NOS3: variants seen among roughly 807,000 people sequenced by gnomAD.
The protein encoded by NOS3 is NOS type III.
NOS3 carries 98 observed loss-of-function variants against 144.9 expected under a neutral mutation model. The ratio of observed to expected loss-of-function variants is 0.68; its 90% CI spans 0.57 to 0.80. The LOEUF is 0.80. NOS3 is among the 30% of genes least tolerant of loss of function. The probability of loss-of-function intolerance (pLI) is 0.00; values close to 1 mark genes in which losing one functional copy is unlikely to be tolerated. For synonymous variants in NOS3, 714 were observed against 702.4 expected, an observed-to-expected ratio of 1.02 and a Z score of -0.26; for missense variants, 1,465 against 1,656.4, an observed-to-expected ratio of 0.88 and a Z score of 2.01.
Position 151,001,230 on chromosome 7 carries a change from G to T in NOS3, c.1234-1G>T. On this transcript the variant is annotated splice_acceptor_variant, in intron 10 of 26. Coordinates refer to ENST00000297494, the MANE Select transcript of NOS3 (RefSeq NM_000603.5). LOFTEE classifies it high-confidence loss of function. The stretch of plus-strand genomic sequence containing the variant: ...CCTCTCCCCCTCTCTCTCCCTTCCA[G>T]CTAGCCAAAGTCACCATCGTGGACC... 6.2e-7 allele frequency: 1 copy of T among 1,612,770 alleles called. No individual in the cohort carries two copies. The highest frequency in any genetic ancestry group is 1.1e-5 in the South Asian group (1 of 91,082).
chr7:151,003,331 GC>G lies in NOS3; in HGVS notation c.1752+1030del. The G allele has an allele frequency of 1.3e-6, 1 of 754,078 alleles. No homozygotes were observed. Among genetic ancestry groups the G allele is most frequent in the Non-Finnish European group, 2.0e-6 (1 of 505,816 alleles). The allele number at this position is 754,078 out of a possible 1,614,324, so 46.7% of individuals were successfully genotyped here. On this transcript the variant is annotated intron_variant, in intron 14 of 26. Transcript: ENST00000297494. The surrounding 1 kb of genome is among the most constrained non-coding windows in gnomAD (Gnocchi z 4.1). ...TATAGAGATGGGGTTTCGCCATGTT[GC>G]CCAGGCTGGTCTCTAACTCCTGGGT...
In NOS3 at chr7:151,013,925, A is replaced by G. The variant is rs767654066; in HGVS notation, c.3450+7A>G. 394 of 1,598,652 alleles carry G rather than the reference A, an allele frequency of 2.5e-4. No individual in the cohort carries two copies. The highest frequency in any genetic ancestry group is 3.3e-4 in the Non-Finnish European group (386 of 1,172,864). Reference sequence around the variant, plus strand: ...CGTCATCGGCGTGCTGCGGGTGCGGAGGGGCGGGCCGGGCCTGAGCGTGCG... The same window carrying G: ...CGTCATCGGCGTGCTGCGGGTGCGGGGGGGCGGGCCGGGCCTGAGCGTGCG... On this transcript the variant is annotated splice_region_variant and intron_variant, in intron 26 of 26. Transcript: ENST00000297494.
chr7:151,011,474 C>G (rs1398250722), intron 23 of NOS3, among the ~76,000 whole-genome samples: 2 of 142,730 alleles, frequency 1.4e-5, no homozygotes, highest in South Asian at 5.2e-4. Flanking sequence ...TGCAGTGGTA[C>G]GATCTCGGCT....
intron 24 of NOS3, chr7:151,012,987 G>T (rs1000880377): frequency 3.8e-6 from 2 of 524,670 alleles, no homozygotes; most frequent in Non-Finnish European, 6.7e-6. Context: ...CCGAAGCCGC[G>T]CATTCTAGCG....
intron 1 of NOS3, among the ~76,000 whole-genome samples, chr7:150,992,041 G>A (rs574269605): frequency 2.2e-4 from 34 of 151,328 alleles, no homozygotes; most frequent in East Asian, 1.7e-3. Context: ...GGTGCCTGTC[G>A]TCCTCGGGAG....
Position 151,010,104 on chromosome 7 carries a change from A to T in NOS3, c.2513-11A>T. On this transcript the variant is annotated splice_polypyrimidine_tract_variant and intron_variant, in intron 20 of 26. Coordinates refer to ENST00000297494, the MANE Select transcript of NOS3 (RefSeq NM_000603.5). ...GCCCTGTCCTCAGAGCTCCCTGTGCACTATCCCCAGGTGGCCCTCCCCCCG... is the reference window on the plus strand; with the variant it reads ...GCCCTGTCCTCAGAGCTCCCTGTGCTCTATCCCCAGGTGGCCCTCCCCCCG... 6.4e-7 allele frequency: 1 copy of T among 1,568,136 alleles called. No individual in the cohort carries two copies. Among genetic ancestry groups the T allele is most frequent in the Non-Finnish European group, 8.7e-7 (1 of 1,142,990 alleles).
intron 25 of NOS3, 26 bp from the exon 26 acceptor site, chr7:151,013,698 C>T (rs1795364723): frequency 3.2e-6 from 4 of 1,263,356 alleles, no homozygotes; most frequent in Admixed American, 2.0e-5. Flanking sequence ...CCCACCAGGG[C>T]CCGCCCTAAC....
intron 2 of NOS3, among the ~76,000 whole-genome samples, chr7:150,994,670 G>A (rs1802328565): frequency 6.6e-6 from 1 of 152,196 alleles, no homozygotes; most frequent in South Asian, 2.1e-4. Flanking sequence ...AAGGCTGAGG[G>A]CCGGGGCCCT....
At chr7:150,997,925 G>A (rs1225784910) in intron 5 of NOS3, among the ~76,000 whole-genome samples, 1 of 152,186 alleles carries the variant, frequency 6.6e-6, no homozygotes, top group African/African-American at 2.4e-5. Context: ...AGGGTCCTAG[G>A]AGGCCTCTGG....
Position 151,010,021 on chromosome 7 carries a change from A to G in NOS3, c.2513-94A>G, listed in dbSNP as rs1795269837. 3 of 796,680 alleles carry G rather than the reference A, an allele frequency of 3.8e-6. No individual in the cohort carries two copies. In the African/African-American group the frequency reaches 5.1e-5, roughly 14 times the overall value. The allele number at this position is 796,680 out of a possible 1,614,324, so 49.4% of individuals were successfully genotyped here. The stretch of plus-strand genomic sequence containing the variant: ...CAGGCCGACCCCGCTGCTCAAGGGC[A>G]GGCTCTCTAACAGTCACCAAAACAC... On this transcript the variant is annotated intron_variant, in intron 20 of 26. Transcript: ENST00000297494.
At chr7:151,001,170 G>T in intron 10 of NOS3, 61 bp from the exon 11 acceptor site, 2 of 1,564,350 alleles carry the variant, frequency 1.3e-6, no homozygotes, top group South Asian at 1.1e-5. Context: ...GAGTGGTGGA[G>T]GAAGAATGGG....
Position 150,998,700 on chromosome 7 carries a change from C to A in NOS3, c.816+20C>A. ...ACCGAGGTGGGCACCGAGGGCCACCCATGAGGGTGTCCCCAAGGTGGAGAA... is the reference window on the plus strand; with the variant it reads ...ACCGAGGTGGGCACCGAGGGCCACCAATGAGGGTGTCCCCAAGGTGGAGAA... On this transcript the variant is annotated intron_variant, in intron 7 of 26. Coordinates refer to ENST00000297494, the MANE Select transcript of NOS3 (RefSeq NM_000603.5). This position sits in a 1 kb window ranked among gnomAD's most constrained non-coding sequence, Gnocchi z 5.0. 6.3e-7 allele frequency: 1 copy of A among 1,595,254 alleles called. No individual in the cohort carries two copies. The highest frequency in any genetic ancestry group is 8.5e-7 in the Non-Finnish European group (1 of 1,172,250).
chr7:151,013,725 C>A lies in NOS3; in HGVS notation c.3257C>A (p.Thr1086Asn). The change falls in exon 26 of 27, where the codon ACC becomes AAC. Residue 1086 changes from threonine (T) to asparagine (N), a missense_variant and splice_region_variant. Transcript: ENST00000297494. Reference protein sequence around the residue: ...AFSREPDNPKTYVQDILRTEL... With the variant: ...AFSREPDNPKNYVQDILRTEL... ...CGCCCTAACCCCGCCGCCCCGCAGA[C>A]CTACGTGCAGGACATCCTGAGGACG... 1 of 1,602,046 alleles carries A rather than the reference C, an allele frequency of 6.2e-7. No homozygotes were observed. The highest frequency in any genetic ancestry group is 8.5e-7 in the Non-Finnish European group (1 of 1,175,300).
intron 5 of NOS3, 45 bp downstream of exon 5, chr7:150,996,970 G>A: frequency 6.5e-7 from 1 of 1,526,910 alleles, no homozygotes; most frequent in Non-Finnish European, 8.8e-7. Context: ...TACCAAAAGG[G>A]GAGCGGGGTG....
At position 151,010,793 on chromosome 7, in the gene NOS3, C is replaced by T; in HGVS notation, c.2882C>T (p.Ala961Val). 6.2e-7 allele frequency: 1 copy of T among 1,611,916 alleles called. No individual in the cohort carries two copies. Among genetic ancestry groups the T allele is most frequent in the Admixed American group, 1.7e-5 (1 of 59,850 alleles). ...ATCCACCTCACTGTAGCTGTGCTGG[C>T]ATACAGGACTCAGGGTGAGGCAACA... ...GEIHLTVAVL[A>V]YRTQDGLGPL... The change falls in exon 22 of 27, where the codon GCA (alanine) becomes GTA (valine). Residue 961 changes from alanine (A) to valine (V), a missense_variant. By Grantham distance (64) the Ala-to-Val change is moderately conservative. Coordinates refer to ENST00000297494, the MANE Select transcript of NOS3 (RefSeq NM_000603.5).
Position 151,009,256 on chromosome 7 carries a change from C to T in NOS3, c.2313C>T (p.Ser771=). ...TCCGCTCAGTGGAAAACCTGCAAAGCAGCAAGTCCACGTGAGGACGACGGC... is the reference window on the plus strand; with the variant it reads ...TCCGCTCAGTGGAAAACCTGCAAAGTAGCAAGTCCACGTGAGGACGACGGC... ...ATIRSVENLQ[S]SKSTRATILV... The change falls in exon 19 of 27, where the codon AGC becomes AGT. Residue 771 remains serine, a synonymous_variant. Transcript: ENST00000297494. 1.2e-6 allele frequency: 2 copies of T among 1,613,390 alleles called. No individual in the cohort carries two copies. The highest frequency in any genetic ancestry group is 1.7e-6 in the Non-Finnish European group (2 of 1,179,490).
chr7:151,008,847 G>T, intron 17 of NOS3, 83 bp from the exon 18 acceptor site: 2 of 1,452,176 alleles, frequency 1.4e-6, no homozygotes, highest in South Asian at 1.4e-5. Flanking sequence ...CCAGGAGCAA[G>T]ACGCAGTGAA....
Position 150,998,393 on chromosome 7 carries a change from A to T in NOS3, c.619A>T (p.Met207Leu). The T allele has an allele frequency of 6.2e-7, 1 of 1,612,316 alleles. No individual in the cohort carries two copies. The highest frequency in any genetic ancestry group is 1.7e-4 in the Middle Eastern group (1 of 6,060). The change falls in exon 6 of 27, where the codon ATG becomes TTG. Residue 207 changes from methionine to leucine, a missense_variant. Physicochemically the swap from Met to Leu is conservative, Grantham distance 15 (BLOSUM62 2). Around this residue, in one of 5 missense-constraint regions of NOS3, gnomAD observed 374 missense variants for 377.0 expected, o/e 0.99. Coordinates refer to ENST00000297494, the MANE Select transcript of NOS3 (RefSeq NM_000603.5). The surrounding 1 kb of genome is among the most constrained non-coding windows in gnomAD (Gnocchi z 5.0). ...CCGGGACTGCAGGTCTGCACAGGAAATGTTCACCTACATCTGCAACCACAT... is the reference window on the plus strand; with the variant it reads ...CCGGGACTGCAGGTCTGCACAGGAATTGTTCACCTACATCTGCAACCACAT... ...DARDCRSAQE[M>L]FTYICNHIKY...
rs921613835 is a variant in NOS3, at chr7:151,003,171, G to A, written c.1752+867G>A. 4.4e-6 allele frequency: 2 copies of A among 453,290 alleles called. No homozygotes were observed. The highest frequency in any genetic ancestry group is 2.0e-5 in the African/African-American group (1 of 49,948). The allele number at this position is 453,290 out of a possible 1,614,324, so 28.1% of individuals were successfully genotyped here. ...GACAGGGTCTCACTTTGTGGCCCAG[G>A]CTGGAGTGCAGTAGTACAATCACGG... On this transcript the variant is annotated intron_variant, in intron 14 of 26. Coordinates refer to ENST00000297494, the MANE Select transcript of NOS3 (RefSeq NM_000603.5). This position sits in a 1 kb window ranked among gnomAD's most constrained non-coding sequence, Gnocchi z 4.1.
Sources: gnomAD v4.1 joint callset for allele counts (sites outside exome capture counted in the v4.1 genomes callset) on GRCh38, gnomAD v4.1.1 for gene constraint, gnomAD v4.1.1 regional missense constraint, Gnocchi (gnomAD v3.1) non-coding constraint, MANE v1.5 for transcripts, NCBI Gene and HGNC (gene_info 2026-07-23, HGNC 2026-07-21) for gene names.